RC3H1: variants seen among roughly 807,000 people sequenced by gnomAD.
The protein encoded by RC3H1 is roquin-1.
Under a neutral mutation model 138.2 loss-of-function variants are expected in RC3H1, and 50 were observed. The ratio of observed to expected loss-of-function variants is 0.36; its 90% CI spans 0.29 to 0.46. The LOEUF (loss-of-function observed/expected upper bound fraction) is 0.46. RC3H1 is among the 20% of genes least tolerant of loss of function. RC3H1 has a pLI of 1.00. For missense variants in RC3H1, 1,031 were observed against 1,388.1 expected (o/e 0.74, Z 4.09); for synonymous variants, 462 against 489.1 (o/e 0.94, Z 0.73).
chr1:173,943,278 G>A (rs1204217383), intron 18 of RC3H1, among the ~76,000 whole-genome samples, 164 bp downstream of exon 18: 2 of 152,086 alleles, frequency 1.3e-5, no homozygotes, highest in Non-Finnish European at 2.9e-5. Flanking sequence ...AATGAGGAAG[G>A]GAATGATAAA....
chr1:173,949,129 T>TG (rs34983635), intron 14 of RC3H1, among the ~76,000 whole-genome samples: 9,914 of 75,372 alleles, frequency 0.13, 883 homozygotes, highest in Non-Finnish European at 0.19. Flanking sequence ...TCTATTTTTT[T>TG]GGGGGGGGGG....
chr1:173,990,658 C>T (rs1296896522), intron 2 of RC3H1, among the ~76,000 whole-genome samples: 5 of 151,016 alleles, frequency 3.3e-5, no homozygotes, highest in South Asian at 2.1e-4. Flanking sequence ...CTGCAAGCTC[C>T]GCCTCCCGGG....
intron 18 of RC3H1, among the ~76,000 whole-genome samples, chr1:173,942,060 G>A (rs979263865): frequency 3.3e-5 from 5 of 151,520 alleles, no homozygotes; most frequent in Non-Finnish European, 5.9e-5. Context: ...CCAACAAGGC[G>A]AAACCCCGTC....
chr1:173,974,184 G>A (rs1660476855), intron 7 of RC3H1, among the ~76,000 whole-genome samples: 1 of 148,686 alleles, frequency 6.7e-6, no homozygotes, highest in South Asian at 2.1e-4. Flanking sequence ...GGAAGCCAAG[G>A]TAGGAGAATC....
chr1:173,996,779 C>T (rs1661469153), intron 1 of RC3H1, among the ~76,000 whole-genome samples: 1 of 152,186 alleles, frequency 6.6e-6, no homozygotes, highest in Admixed American at 6.5e-5. Flanking sequence ...ACCCTCCTCT[C>T]ACTTTCCCTC....
intron 6 of RC3H1, among the ~76,000 whole-genome samples, chr1:173,980,533 T>C (rs1483704052): frequency 1.3e-5 from 2 of 152,098 alleles, no homozygotes; most frequent in African/African-American, 4.8e-5. Flanking sequence ...ACTCTATTTC[T>C]CTAAATTAAA....
intron 17 of RC3H1, 41 bp downstream of exon 17, chr1:173,946,435 C>T (rs1659139778): frequency 6.3e-7 from 1 of 1,584,288 alleles, no homozygotes; most frequent in Middle Eastern, 1.7e-4. Flanking sequence ...TCTCTGAGAA[C>T]CCTTCAAAAA....
In RC3H1 at chr1:173,962,099, C is replaced by A. The variant is rs1255234188; in HGVS notation, c.1832-4G>T. 6.2e-7 allele frequency: 1 copy of A among 1,603,242 alleles called. No individual in the cohort carries two copies. Among genetic ancestry groups the A allele is most frequent in the Admixed American group, 1.7e-5 (1 of 59,192 alleles). ...GGTGGTGGAGTATAATACATACCTG[C>A]ACAATACAAAAGAGGACCCAAAAGC... On this transcript the variant is annotated splice_polypyrimidine_tract_variant and splice_region_variant and intron_variant, in intron 11 of 19. Transcript: ENST00000367696.
chr1:174,018,682 C>T (rs1661905939), intron 1 of RC3H1, among the ~76,000 whole-genome samples: 1 of 152,172 alleles, frequency 6.6e-6, no homozygotes, highest in Non-Finnish European at 1.5e-5. Flanking sequence ...TGTTTTGATA[C>T]AGGCCAATCT....
In RC3H1 at chr1:173,936,763, T is replaced by TATATA. The variant is rs1557913770; in HGVS notation, c.*1957_*1958insTATAT. On this transcript the variant is annotated 3_prime_UTR_variant, in exon 20 of 20. Transcript: ENST00000367696. ...TATATATATATATATATATATATATTTTTTTTTTTTTTTTTAAAAAAAGAA... is the reference window on the plus strand; with the variant it reads ...TATATATATATATATATATATATATTATATATTTTTTTTTTTTTTTAAAAAAAGAA... 7 of 18,262 alleles carry TATATA rather than the reference T, an allele frequency of 3.8e-4. No homozygotes were observed. The highest frequency in any genetic ancestry group is 2.6e-3 in the South Asian group (1 of 382). The allele number at this position is 18,262 out of a possible 1,614,324, so 1.1% of individuals were successfully genotyped here.
intron 9 of RC3H1, among the ~76,000 whole-genome samples, chr1:173,966,647 G>A (rs774249011): frequency 3.3e-5 from 5 of 151,840 alleles, no homozygotes; most frequent in South Asian, 2.1e-4. Flanking sequence ...CCCGGGAGGC[G>A]GAGGTTGCAG....
rs1244873352 is a variant in RC3H1, at chr1:173,931,779, A to G, written c.*6942T>C. The G allele has an allele frequency of 1.3e-5, 2 of 152,222 alleles. No individual in the cohort carries two copies. Among genetic ancestry groups the G allele is most frequent in the Non-Finnish European group, 2.9e-5 (2 of 68,020 alleles). The allele number at this position is 152,222 out of a possible 1,614,324, so 9.4% of individuals were successfully genotyped here. On this transcript the variant is annotated 3_prime_UTR_variant, in exon 20 of 20. Transcript: ENST00000367696. ...ATTATTCACAGCCTGTGAAATTCCA[A>G]TCCATTTGTCTTCACCATTCCAACC...
intron 10 of RC3H1, 57 bp downstream of exon 10, chr1:173,964,782 C>A: frequency 1.5e-6 from 2 of 1,374,638 alleles, no homozygotes; most frequent in Admixed American, 2.2e-5. Flanking sequence ...ATTATTCTAT[C>A]TTCCTTCGAC....
chr1:174,012,081 C>T (rs992146935), intron 1 of RC3H1, among the ~76,000 whole-genome samples: 2 of 151,880 alleles, frequency 1.3e-5, no homozygotes, highest in Non-Finnish European at 2.9e-5. Context: ...TGTGCTGGCA[C>T]GCACCTGTAG....
At chr1:173,966,271 C>T (rs1311256759) in intron 9 of RC3H1, among the ~76,000 whole-genome samples, 1 of 152,036 alleles carries the variant, frequency 6.6e-6, no homozygotes, top group African/African-American at 2.4e-5. Flanking sequence ...AGAATAATTG[C>T]CTGGGTTTAA....
At chr1:174,021,706 C>A (rs1300431319) in intron 1 of RC3H1, among the ~76,000 whole-genome samples, 1 of 152,120 alleles carries the variant, frequency 6.6e-6, no homozygotes, top group Non-Finnish European at 1.5e-5. Context: ...CGCCCTCCCC[C>A]ACCCCCACAG....
chr1:173,945,213 T>G (rs1659082108), intron 17 of RC3H1, among the ~76,000 whole-genome samples: 1 of 150,440 alleles, frequency 6.6e-6, no homozygotes, highest in Non-Finnish European at 1.5e-5. Flanking sequence ...AGCCTCAACC[T>G]CCCTGGGCTC....
intron 1 of RC3H1, among the ~76,000 whole-genome samples, chr1:174,013,044 AAAG>A (rs1661796871): frequency 6.6e-6 from 1 of 152,100 alleles, no homozygotes; most frequent in South Asian, 2.1e-4. Flanking sequence ...AAATTAAAAA[AAAG>A]AAGAGCAGAC....
rs751232023 is a variant in RC3H1, at chr1:173,978,477, C to T, written c.1102+11G>A. 23 of 1,612,404 alleles carry T rather than the reference C, an allele frequency of 1.4e-5. No homozygotes were observed. In the Middle Eastern group the frequency reaches 6.6e-4, roughly 46 times the overall value. On this transcript the variant is annotated intron_variant, in intron 7 of 19. Transcript: ENST00000367696. ...CATATAAGATAGTCCATTAATTTCC[C>T]GTGGGTTTACCTGGACTAGGGTCAA...
Sources: allele counts gnomAD v4.1 joint callset (sites outside exome capture counted in the v4.1 genomes callset), GRCh38; gene constraint gnomAD v4.1.1; transcripts MANE v1.5; gene names NCBI Gene and HGNC (gene_info 2026-07-23, HGNC 2026-07-21).